RIMS1: variants seen among roughly 807,000 people sequenced by gnomAD.
RIMS1 encodes the protein regulating synaptic membrane exocytosis 1, also known as regulating synaptic membrane exocytosis protein 1.
In RIMS1, 83 loss-of-function variants were observed where a neutral mutation model predicts 214.1. The ratio of observed to expected loss-of-function variants is 0.39; its 90% CI spans 0.32 to 0.47. The LOEUF is 0.47. RIMS1 is among the 20% of genes least tolerant of loss of function. RIMS1 has a pLI of 0.99. For synonymous variants in RIMS1, 793 were observed against 786.8 expected, an observed-to-expected ratio of 1.01 and a Z score of -0.13; for missense variants, 2,050 against 2,161.8, an observed-to-expected ratio of 0.95 and a Z score of 1.03.
Position 71,922,878 on chromosome 6 carries a change from A to G in RIMS1, c.164+35691A>G, listed in dbSNP as rs539208582. ...TCTCAGCAGTAATTTCTTGTGCTCA[A>G]TAGGAGCAGTGACCAGACTCCATGG... is the stretch of plus-strand genomic sequence containing the variant. On this transcript the variant is annotated intron_variant, in intron 1 of 33. Transcript: ENST00000521978. Among the ~76,000 whole-genome samples the G allele has an allele frequency of 2.9e-4, 44 of 152,320 alleles. 1 individual carries two copies. In the South Asian group the frequency reaches 5.4e-3, roughly 19 times the overall value.
intron 6 of RIMS1, among the ~76,000 whole-genome samples, chr6:72,194,002 G>A (rs1338830943): frequency 6.6e-6 from 1 of 152,052 alleles, no homozygotes; most frequent in African/African-American, 2.4e-5. Flanking sequence ...CTAACACTTT[G>A]TGGAAGATGT....
At chr6:72,376,432 T>G (rs1388216685) in intron 29 of RIMS1, among the ~76,000 whole-genome samples, 1 of 152,034 alleles carries the variant, frequency 6.6e-6, no homozygotes, top group African/African-American at 2.4e-5. Context: ...CCAAGTCTTC[T>G]GAACTAAGGA....
intron 1 of RIMS1, among the ~76,000 whole-genome samples, chr6:71,952,613 TG>T (rs1213515195): frequency 6.6e-6 from 1 of 152,212 alleles, no homozygotes; most frequent in Non-Finnish European, 1.5e-5. Context: ...AACTGGAACT[TG>T]GGCATCATGA....
At chr6:72,057,142 C>A (rs1011121679) in intron 2 of RIMS1, among the ~76,000 whole-genome samples, 2 of 152,100 alleles carry the variant, frequency 1.3e-5, no homozygotes, top group African/African-American at 4.8e-5. Flanking sequence ...AACAAACCTG[C>A]ATTTGTACCC....
At chr6:72,040,616 TGTAA>T (rs1246515055) in intron 2 of RIMS1, among the ~76,000 whole-genome samples, 2 of 151,906 alleles carry the variant, frequency 1.3e-5, no homozygotes, top group Non-Finnish European at 2.9e-5. Flanking sequence ...ATATAAAATA[TGTAA>T]GTAGTTTTAG....
intron 10 of RIMS1, among the ~76,000 whole-genome samples, chr6:72,243,361 A>C (rs2067859169): frequency 6.6e-6 from 1 of 151,760 alleles, no homozygotes; most frequent in African/African-American, 2.4e-5. Context: ...ATATCAAATA[A>C]TATTAATATA....
At chr6:72,288,208 A>C (rs752446728) in intron 24 of RIMS1, among the ~76,000 whole-genome samples, 1 of 152,152 alleles carries the variant, frequency 6.6e-6, no homozygotes, top group Non-Finnish European at 1.5e-5. Context: ...AGGTCACTCT[A>C]TGACCCTCAG....
At chr6:71,991,230 C>T (rs1207823877) in intron 2 of RIMS1, among the ~76,000 whole-genome samples, 1 of 151,672 alleles carries the variant, frequency 6.6e-6, no homozygotes, top group Non-Finnish European at 1.5e-5. Flanking sequence ...TTGAAATTGC[C>T]TCTGGACTAT....
At chr6:72,308,774 C>T (rs1425328851) in intron 27 of RIMS1, among the ~76,000 whole-genome samples, 1 of 152,062 alleles carries the variant, frequency 6.6e-6, no homozygotes, top group African/African-American at 2.4e-5. Context: ...AAATGGTAAG[C>T]AAAATAACCT....
At chr6:72,073,708 G>C (rs1347616831) in intron 2 of RIMS1, among the ~76,000 whole-genome samples, 1 of 152,144 alleles carries the variant, frequency 6.6e-6, no homozygotes, top group Non-Finnish European at 1.5e-5. Flanking sequence ...ATACAACTAA[G>C]TATTCTACTC....
chr6:72,360,776 G>A (rs915561242), intron 29 of RIMS1, among the ~76,000 whole-genome samples: 12 of 149,580 alleles, frequency 8.0e-5, no homozygotes, highest in Non-Finnish European at 1.8e-4. Flanking sequence ...GAAAAAAGAC[G>A]GCGTTTTATT....
At chr6:72,144,017 T>C (rs902885698) in intron 4 of RIMS1, among the ~76,000 whole-genome samples, 4 of 152,156 alleles carry the variant, frequency 2.6e-5, no homozygotes, top group Admixed American at 6.5e-5. Flanking sequence ...GTATTTTGGG[T>C]GGATAAAATT....
chr6:71,981,456 G>C, intron 2 of RIMS1, among the ~76,000 whole-genome samples: 1 of 152,000 alleles, frequency 6.6e-6, no homozygotes, highest in Non-Finnish European at 1.5e-5. Flanking sequence ...TAGAAGACAA[G>C]AATACCATAG....
intron 19 of RIMS1, chr6:72,263,929 G>A (rs576521018): frequency 5.8e-6 from 2 of 344,364 alleles, no homozygotes; most frequent in Admixed American, 6.5e-5. Flanking sequence ...GGAGGCAGAG[G>A]TTGCAGTGAG....
chr6:72,200,893 GT>G (rs2051863011), intron 6 of RIMS1, among the ~76,000 whole-genome samples: 2 of 142,618 alleles, frequency 1.4e-5, no homozygotes, highest in South Asian at 4.5e-4. Context: ...GTGTGTGTGT[GT>G]GTGTGGTCTG....
chr6:72,315,511 A>G (rs1415800521), intron 28 of RIMS1, among the ~76,000 whole-genome samples: 1 of 152,190 alleles, frequency 6.6e-6, no homozygotes, highest in Non-Finnish European at 1.5e-5. Context: ...TTTTCTTGTA[A>G]TCTCATACTG....
At chr6:72,281,264 G>A (rs2089991691) in intron 23 of RIMS1, among the ~76,000 whole-genome samples, 4 of 152,116 alleles carry the variant, frequency 2.6e-5, no homozygotes. Flanking sequence ...GGATTGGAAA[G>A]AAGATTATAT....
chr6:71,920,671 A>G (rs375616352), intron 1 of RIMS1, among the ~76,000 whole-genome samples: 33 of 152,324 alleles, frequency 2.2e-4, no homozygotes, highest in African/African-American at 7.9e-4. Context: ...AACACTATCA[A>G]TAAATTTTCC....
intron 4 of RIMS1, among the ~76,000 whole-genome samples, chr6:72,136,713 CA>C (rs1260164137): frequency 6.6e-6 from 1 of 151,620 alleles, no homozygotes; most frequent in African/African-American, 2.4e-5. Flanking sequence ...GACTTAACAC[CA>C]AAAAAATCTA....
Sources: allele counts gnomAD v4.1 joint callset (sites outside exome capture counted in the v4.1 genomes callset), GRCh38; gene constraint gnomAD v4.1.1; transcripts MANE v1.5; gene names NCBI Gene and HGNC (gene_info 2026-07-23, HGNC 2026-07-21).